Variants in GTF3C3 observed in about 807,000 individuals in gnomAD.
GTF3C3 encodes the protein general transcription factor IIIC subunit 3.
Under a neutral mutation model 105.2 loss-of-function variants are expected in GTF3C3, and 75 were observed. The observed-to-expected ratio is 0.71, with a 90% CI of 0.59 to 0.86. The LOEUF is 0.86. GTF3C3 is among the 40% of genes least tolerant of loss of function. The pLI, the probability that GTF3C3 is intolerant of heterozygous loss-of-function variation, is 0.00. For synonymous variants in GTF3C3, 335 were observed against 370.4 expected (o/e 0.90, Z 1.10); for missense variants, 856 against 1,076.5 (o/e 0.80, Z 2.87).
rs1239781323 is a variant in GTF3C3 at position 196,779,066 on chromosome 2, G to T, written c.1220C>A (p.Pro407His). 1.9e-6 allele frequency: 3 copies of T among 1,611,348 alleles called. No individual in the cohort carries two copies. The East Asian group carries it at 6.7e-5, about 36-fold the overall frequency. ...CTGTTCTACTAGTGTTGTCAAGAGAGGCTAGACCACAAATAAAAGCCCCAA... is the reference window on the plus strand; with the variant it reads ...CTGTTCTACTAGTGTTGTCAAGAGATGCTAGACCACAAATAAAAGCCCCAA... Reference protein sequence around the residue: ...VHLNILEPLNPLLTTLVEQNP... With the variant: ...VHLNILEPLNHLLTTLVEQNP... The change falls in exon 10 of 18, where the codon CCT becomes CAT. Residue 407 changes from proline (P) to histidine (H), a missense_variant and splice_region_variant. Physicochemically the swap from Pro to His is moderately conservative, Grantham distance 77. Transcript: ENST00000263956.
At chr2:196,787,195 T>G (rs548760684) in intron 6 of GTF3C3, among the ~76,000 whole-genome samples, 19 of 152,134 alleles carry the variant, frequency 1.2e-4, no homozygotes, top group Non-Finnish European at 2.6e-4. Flanking sequence ...TCCTGCTGCT[T>G]CCATCCTGGT....
At chr2:196,764,807 T>A (rs373168049) in intron 17 of GTF3C3, 122 bp from the exon 18 acceptor site, 3 of 681,486 alleles carry the variant, frequency 4.4e-6, no homozygotes, top group African/African-American at 3.6e-5. Flanking sequence ...GCTCATGTAC[T>A]AAAAAAAAAT....
At chr2:196,790,154 CT>C (rs1559304930) in intron 4 of GTF3C3, 84 bp from the exon 5 acceptor site, 56 of 810,628 alleles carry the variant, frequency 6.9e-5, no homozygotes, top group South Asian at 1.3e-4. Context: ...AACTGTATGT[CT>C]TTTTTTTAAA....
chr2:196,780,644 CAGGTAACATTCTCAGG>C lies in GTF3C3; in HGVS notation c.1117_1132del (p.Pro373AlafsTer9). ...TATTGGCACGCCATCAGGTATAGTG[CAGGTAACATTCTCAGG>C]AGCTGGAGAATACACAGACAAGAAG... On this transcript the variant is annotated frameshift_variant and splice_region_variant, in exon 9 of 18. Transcript: ENST00000263956. LOFTEE classifies it high-confidence loss of function. 2 of 1,612,082 alleles carry C rather than the reference CAGGTAACATTCTCAGG, an allele frequency of 1.2e-6. No homozygotes were observed. The highest frequency in any genetic ancestry group is 1.7e-6 in the Non-Finnish European group (2 of 1,178,610).
At position 196,763,848 on chromosome 2, in the gene GTF3C3, T is replaced by C. The variant is rs551254814; in HGVS notation, c.*715A>G. On this transcript the variant is annotated 3_prime_UTR_variant, in exon 18 of 18. Transcript: ENST00000263956. ...AGTATGTCCTTTATTCCATACGTACTACTTGCCCAGTCTTATATTACTTGT... is the reference window on the plus strand; with the variant it reads ...AGTATGTCCTTTATTCCATACGTACCACTTGCCCAGTCTTATATTACTTGT... 1.3e-5 allele frequency: 2 copies of C among 152,362 alleles called. No homozygotes were observed. Among genetic ancestry groups the C allele is most frequent in the African/African-American group, 4.8e-5 (2 of 41,594 alleles). 9.4% of individuals were successfully genotyped at this position (152,362 alleles called of 1,614,324 possible). A position where few individuals can be genotyped will look rare whatever the true frequency, so the allele number is the denominator to read the frequency against.
intron 15 of GTF3C3, 151 bp downstream of exon 15, chr2:196,771,597 C>T: frequency 1.7e-6 from 1 of 575,396 alleles, no homozygotes; most frequent in South Asian, 2.6e-5. Flanking sequence ...CAATTATTAT[C>T]TCCATTTTAG....
rs780590503 is a variant in GTF3C3 at position 196,771,887 on chromosome 2, A to C, written c.2121T>G (p.Asn707Lys). 2 of 1,613,646 alleles carry C rather than the reference A, an allele frequency of 1.2e-6. No homozygotes were observed. The highest frequency in any genetic ancestry group is 1.7e-6 in the Non-Finnish European group (2 of 1,179,510). Reference protein sequence around the residue: ...VNKPQLWNIFNQVTMHSQDVR... With the variant: ...VNKPQLWNIFKQVTMHSQDVR... ...CATCTTGGGAGTGCATGGTAACTTG[A>C]TTGAAAATGTTCCAGAGCTGGGGTT... The change falls in exon 15 of 18, where the codon AAT (asparagine) becomes AAG (lysine). Residue 707 changes from asparagine to lysine, a missense_variant. This residue lies in a region of GTF3C3 where 605 missense variants were observed against 833.6 expected (regional missense o/e 0.73). Coordinates refer to ENST00000263956, the MANE Select transcript of GTF3C3 (RefSeq NM_012086.5).
intron 8 of GTF3C3, among the ~76,000 whole-genome samples, chr2:196,781,360 ATATAT>A (rs1699356832): frequency 4.7e-5 from 4 of 85,494 alleles, no homozygotes; most frequent in South Asian, 4.1e-4. Flanking sequence ...AAAAAAAAAT[ATATAT>A]ATATATATAT....
intron 6 of GTF3C3, 139 bp from the exon 7 acceptor site, chr2:196,785,727 G>A (rs1337308396): frequency 2.2e-5 from 13 of 600,204 alleles, no homozygotes; most frequent in Admixed American, 3.0e-5. Flanking sequence ...CCTTAAAATC[G>A]TAATCAGAAC....
At chr2:196,783,571 C>T (rs1439708745) in intron 8 of GTF3C3, among the ~76,000 whole-genome samples, 1 of 152,174 alleles carries the variant, frequency 6.6e-6, no homozygotes, top group African/African-American at 2.4e-5. Flanking sequence ...TTATTCTACT[C>T]ATTCACACCA....
In GTF3C3 at chr2:196,769,932, G is replaced by T; in HGVS notation, c.2368C>A (p.His790Asn). The change falls in exon 16 of 18, where the codon CAT (histidine) becomes AAT (asparagine). Residue 790 changes from histidine (H) to asparagine (N), a missense_variant. By Grantham distance (68) the His-to-Asn change is moderately conservative (BLOSUM62 1). This residue lies in a region of GTF3C3 where 134 missense variants were observed against 128.9 expected (regional missense o/e 1.04). Coordinates refer to ENST00000263956, the MANE Select transcript of GTF3C3 (RefSeq NM_012086.5). Reference protein sequence around the residue: ...MASQKYVLRRHALIVQGFSFL... With the variant: ...MASQKYVLRRNALIVQGFSFL... Reference sequence around the variant, plus strand: ...TGAATTACCTGTACAATAAGAGCATGTCTCCGTAACACATACTTCTGAGAT... The same window carrying T: ...TGAATTACCTGTACAATAAGAGCATTTCTCCGTAACACATACTTCTGAGAT... 6.2e-7 allele frequency: 1 copy of T among 1,607,640 alleles called. No individual in the cohort carries two copies. Among genetic ancestry groups the T allele is most frequent in the Non-Finnish European group, 8.5e-7 (1 of 1,176,114 alleles).
intron 13 of GTF3C3, among the ~76,000 whole-genome samples, chr2:196,774,276 T>A (rs1699225434): frequency 6.6e-6 from 1 of 152,178 alleles, no homozygotes; most frequent in South Asian, 2.1e-4. Flanking sequence ...CTTATAAAAC[T>A]GCCAAAAGTG....
At position 196,793,166 on chromosome 2, in the gene GTF3C3, C is replaced by A; in HGVS notation, c.215-14G>T. The A allele has an allele frequency of 6.4e-7, 1 of 1,558,856 alleles. No individual in the cohort carries two copies. On this transcript the variant is annotated splice_polypyrimidine_tract_variant and intron_variant, in intron 2 of 17. Transcript: ENST00000263956. ...CTGATGTTTCTCCTGAGAAAAGAGA[C>A]ATTGATGGGGGAGGGGTGGGGAAGC...
chr2:196,780,629 C>A lies in GTF3C3; in HGVS notation c.1148G>T (p.Gly383Val). The A allele has an allele frequency of 1.2e-6, 2 of 1,613,112 alleles. No homozygotes were observed. The highest frequency in any genetic ancestry group is 1.7e-6 in the Non-Finnish European group (2 of 1,179,360). Residue 383 changes from glycine (G) to valine (V), a missense_variant, in exon 9 of 18, where the codon GGC (glycine) becomes GTC (valine). Physicochemically the swap from Gly to Val is moderately radical, Grantham distance 109. Around this residue, in one of 3 missense-constraint regions of GTF3C3, gnomAD observed 605 missense variants for 833.6 expected, o/e 0.73. Transcript: ENST00000263956. ...CTTCACTGTGATATCTATTGGCACG[C>A]CATCAGGTATAGTGCAGGTAACATT... ...PENVTCTIPD[G>V]VPIDITVKLM...
At chr2:196,796,697 T>C (rs1449880567) in intron 2 of GTF3C3, among the ~76,000 whole-genome samples, 1 of 152,162 alleles carries the variant, frequency 6.6e-6, no homozygotes, top group African/African-American at 2.4e-5. Flanking sequence ...CCAGTGTCTG[T>C]TGTTTCCTCA....
Position 196,764,425 on chromosome 2 carries a change from T to G in GTF3C3, c.*138A>C. The G allele has an allele frequency of 1.3e-6, 1 of 783,856 alleles. No homozygotes were observed. The highest frequency in any genetic ancestry group is 3.0e-5 in the South Asian group (1 of 33,398). The allele number at this position is 783,856 out of a possible 1,614,324, so 48.6% of individuals were successfully genotyped here. ...TATACCACAAGATCATTATCACATA[T>G]TAAAAATAAATACACTGTTTGTTAG... On this transcript the variant is annotated 3_prime_UTR_variant, in exon 18 of 18. Coordinates refer to ENST00000263956, the MANE Select transcript of GTF3C3 (RefSeq NM_012086.5).
chr2:196,764,792 T>A, intron 17 of GTF3C3, 107 bp from the exon 18 acceptor site: 1 of 942,724 alleles, frequency 1.1e-6, no homozygotes, highest in Non-Finnish European at 1.6e-6. Flanking sequence ...TCAAAAGGTA[T>A]TAAAGCTCAT....
rs1699675773 is a variant in GTF3C3, at chr2:196,797,975, T to A, written c.103-67A>T. 4 of 916,990 alleles carry A rather than the reference T, an allele frequency of 4.4e-6. No individual in the cohort carries two copies. In the Admixed American group the frequency reaches 5.3e-5, roughly 12 times the overall value. The allele number at this position is 916,990 out of a possible 1,614,324, so 56.8% of individuals were successfully genotyped here. On this transcript the variant is annotated intron_variant, in intron 1 of 17. Coordinates refer to ENST00000263956, the MANE Select transcript of GTF3C3 (RefSeq NM_012086.5). ...GACTTAGCTCTCCCCAGCCACAGAG[T>A]ATCTGGTTCTAGTCCTAGCTTTGCC...
chr2:196,789,854 G>GA (rs367760289), intron 5 of GTF3C3, 25 bp downstream of exon 5: 117,784 of 953,866 alleles, frequency 0.12, 2 homozygotes, highest in Non-Finnish European at 0.14. Context: ...TTGTAAAAGT[G>GA]AAAAAAAAAA....
Sources: gnomAD v4.1 joint callset for allele counts (sites outside exome capture counted in the v4.1 genomes callset) on GRCh38, gnomAD v4.1.1 for gene constraint, gnomAD v4.1.1 regional missense constraint, MANE v1.5 for transcripts, NCBI Gene and HGNC (gene_info 2026-07-23, HGNC 2026-07-21) for gene names.